NCF4: variants seen among roughly 807,000 people sequenced by gnomAD.
The protein encoded by NCF4 is neutrophil cytosolic factor 4, also known as neutrophil cytosol factor 4.
In NCF4, 30 loss-of-function variants were observed where a neutral mutation model predicts 41.7. The ratio of observed to expected loss-of-function variants is 0.72; its 90% confidence interval spans 0.54 to 0.97. The LOEUF (loss-of-function observed/expected upper bound fraction) is 0.97, where lower values mean the gene tolerates loss of function less well. NCF4 is among the 50% of genes least tolerant of loss of function. NCF4 has a pLI of 0.00. For synonymous variants in NCF4, 195 were observed against 175.8 expected (o/e 1.11, Z -0.87); for missense variants, 432 against 460.9 (o/e 0.94, Z 0.57).
chr22:36,868,053 C>A (rs954435920), intron 4 of NCF4, among the ~76,000 whole-genome samples: 2 of 152,148 alleles, frequency 1.3e-5, no homozygotes, highest in Admixed American at 1.3e-4. Context: ...GAGATGGGAG[C>A]GTAGAGGAAG....
chr22:36,867,583 C>G (rs943103365), intron 4 of NCF4, 121 bp downstream of exon 4: 39 of 1,046,054 alleles, frequency 3.7e-5, no homozygotes, highest in Non-Finnish European at 5.3e-5. Flanking sequence ...TCTGATGGCC[C>G]CATCTTCAAT....
chr22:36,870,015 G>C (rs146634359), intron 4 of NCF4: 2 of 324,152 alleles, frequency 6.2e-6, no homozygotes, highest in African/African-American at 2.2e-5. Context: ...TTGTGGCCTT[G>C]AGCATATCCC....
rs1939918161 is a variant in NCF4 at position 36,865,968 on chromosome 22, C to T, written c.271+896C>T. On this transcript the variant is annotated intron_variant, in intron 3 of 9. Transcript: ENST00000248899. This position sits in a 1 kb window ranked among gnomAD's most constrained non-coding sequence, Gnocchi z 4.3. The stretch of plus-strand genomic sequence containing the variant: ...GGCTCCATCATTTTCCCTCCTCTCT[C>T]TTTTGGGGCTCTCTCCTGACAATCT... Among the ~76,000 whole-genome samples the T allele has an allele frequency of 6.6e-6, 1 of 152,120 alleles. No individual in the cohort carries two copies. Among genetic ancestry groups the T allele is most frequent in the Non-Finnish European group, 1.5e-5 (1 of 68,030 alleles).
Position 36,870,499 on chromosome 22 carries a change from G to C in NCF4, c.427G>C (p.Val143Leu). The C allele has an allele frequency of 6.2e-7, 1 of 1,613,780 alleles. No individual in the cohort carries two copies. The highest frequency in any genetic ancestry group is 8.5e-7 in the Non-Finnish European group (1 of 1,180,030). The change falls in exon 5 of 10, where the codon GTG becomes CTG. Residue 143 changes from valine (V) to leucine (L), a missense_variant. Val to Leu is a conservative substitution (Grantham distance 32). Transcript: ENST00000248899. ...FYQSPYDSEQ[V>L]PQALRRLRPR... ...CCAGTCGCCCTATGACTCAGAGCAG[G>C]TGCCCCAGGCACTCCGCCGGCTCCG...
chr22:36,871,606 C>A (rs1394001621), intron 5 of NCF4, 46 bp from the exon 6 acceptor site: 6 of 1,547,180 alleles, frequency 3.9e-6, no homozygotes, highest in Non-Finnish European at 5.3e-6. Context: ...GAAGCTGGGC[C>A]CTGAGAGAAT....
At chr22:36,873,210 G>C (rs1023898476) in intron 7 of NCF4, among the ~76,000 whole-genome samples, 2 of 151,028 alleles carry the variant, frequency 1.3e-5, no homozygotes, top group Non-Finnish European at 3.0e-5. Flanking sequence ...ATGGAGGTGA[G>C]GATAGAGGTG....
chr22:36,877,977 T>C lies in NCF4; in HGVS notation c.*154T>C. On this transcript the variant is annotated 3_prime_UTR_variant, in exon 10 of 10. Transcript: ENST00000248899. ...CTTGTAATCTGTCTCTTTCTACTAT[T>C]TACATCTGATTTAAATAAACCATTC... 1 of 721,994 alleles carries C rather than the reference T, an allele frequency of 1.4e-6. No individual in the cohort carries two copies. Among genetic ancestry groups the C allele is most frequent in the Non-Finnish European group, 2.3e-6 (1 of 443,686 alleles). The allele number at this position is 721,994 out of a possible 1,614,324, so 44.7% of individuals were successfully genotyped here.
At chr22:36,861,787 C>T (rs1022681263) in intron 1 of NCF4, among the ~76,000 whole-genome samples, 4 of 152,154 alleles carry the variant, frequency 2.6e-5, no homozygotes, top group Admixed American at 1.3e-4. Context: ...AGGCTGTGTC[C>T]GTTTTGATCG....
intron 8 of NCF4, 96 bp from the exon 9 acceptor site, chr22:36,875,933 G>C: frequency 6.2e-7 from 1 of 1,614,092 alleles, no homozygotes; most frequent in Non-Finnish European, 8.5e-7. Context: ...AGCCATCAAC[G>C]TCCAGGGTGG....
chr22:36,877,465 C>A (rs190434228), intron 9 of NCF4, among the ~76,000 whole-genome samples, 163 bp from the exon 10 acceptor site: 1 of 152,154 alleles, frequency 6.6e-6, no homozygotes, highest in Non-Finnish European at 1.5e-5. Flanking sequence ...TCGATATCCC[C>A]ATCTGTACAA....
chr22:36,869,202 A>G (rs142804778), intron 4 of NCF4, among the ~76,000 whole-genome samples: 103 of 152,344 alleles, frequency 6.8e-4, no homozygotes, highest in African/African-American at 2.2e-3. Flanking sequence ...GCTCTTACCC[A>G]CTGTGCCTCG....
rs901206561 is a variant in NCF4 at position 36,861,349 on chromosome 22, A to C, written c.32+146A>C. The C allele has an allele frequency of 1.3e-5, 14 of 1,080,182 alleles. 1 individual carries two copies. The highest frequency in any genetic ancestry group is 1.9e-5 in the Non-Finnish European group (14 of 728,686). The allele number at this position is 1,080,182 out of a possible 1,614,324, so 66.9% of individuals were successfully genotyped here. On this transcript the variant is annotated intron_variant, in intron 1 of 9. Transcript: ENST00000248899. ...CAAATACTCAGAAATGCAACCTCTC[A>C]GAACTGCTTTAACGAAACTTTGAGC...
In NCF4 at chr22:36,877,781, C is replaced by T. The variant is rs370312224; in HGVS notation, c.978C>T (p.Ile326=). 1 of 1,613,980 alleles carries T rather than the reference C, an allele frequency of 6.2e-7. No individual in the cohort carries two copies. The highest frequency in any genetic ancestry group is 1.7e-5 in the Admixed American group (1 of 60,000). The change falls in exon 10 of 10, where the codon ATC becomes ATT. Residue 326 remains isoleucine, a synonymous_variant. Transcript: ENST00000248899. ...QKRLFPWKLH[I]TQKDNYRVYN... is the part of the protein sequence containing the mutation. Reference sequence around the variant, plus strand: ...GCCTCTTCCCCTGGAAGCTGCACATCACGCAGAAGGACAACTACAGGGTCT... The same window carrying T: ...GCCTCTTCCCCTGGAAGCTGCACATTACGCAGAAGGACAACTACAGGGTCT...
chr22:36,862,490 T>G (rs1939798152), intron 1 of NCF4, among the ~76,000 whole-genome samples: 1 of 152,180 alleles, frequency 6.6e-6, no homozygotes, highest in South Asian at 2.1e-4. Context: ...GTTTGAGGCT[T>G]GGGCACTTCC....
intron 1 of NCF4, among the ~76,000 whole-genome samples, chr22:36,862,467 G>A (rs1247999501): frequency 2.6e-5 from 4 of 152,206 alleles, no homozygotes; most frequent in African/African-American, 7.2e-5. Context: ...CGAATCTTCC[G>A]GAAGCAGCAG....
intron 4 of NCF4, among the ~76,000 whole-genome samples, chr22:36,868,482 G>A (rs956714024): frequency 1.3e-5 from 2 of 152,230 alleles, no homozygotes; most frequent in Non-Finnish European, 2.9e-5. Context: ...ATGGAGGGAA[G>A]GAGCAGATGG....
chr22:36,862,583 C>T (rs1377291474), intron 1 of NCF4, among the ~76,000 whole-genome samples: 2 of 152,176 alleles, frequency 1.3e-5, no homozygotes, highest in East Asian at 1.9e-4. Context: ...CTCCCTGTCC[C>T]CTTTCAGCTG....
chr22:36,864,810 C>T, intron 2 of NCF4, 109 bp from the exon 3 acceptor site: 2 of 1,384,718 alleles, frequency 1.4e-6, no homozygotes, highest in Non-Finnish European at 2.0e-6. Flanking sequence ...CCTTCTGCAT[C>T]CTTATCCTCA....
rs1425886533 is a variant in NCF4, at chr22:36,868,231, C to T, written c.342+769C>T. Among the ~76,000 whole-genome samples the T allele has an allele frequency of 2.6e-5, 4 of 152,228 alleles. No homozygotes were observed. In the East Asian group the frequency reaches 5.8e-4, roughly 22 times the overall value. ...AAGCGAAGCCCTCCTCCCAGCCCAG[C>T]GGCATCCTCACAGCTGGAGAGCGCT... On this transcript the variant is annotated intron_variant, in intron 4 of 9. Transcript: ENST00000248899.
Sources: allele counts gnomAD v4.1 joint callset (sites outside exome capture counted in the v4.1 genomes callset), GRCh38; gene constraint gnomAD v4.1.1; non-coding constraint Gnocchi (gnomAD v3.1); transcripts MANE v1.5; gene names NCBI Gene and HGNC (gene_info 2026-07-23, HGNC 2026-07-21).